Variants in ARHGAP6 observed in about 807,000 individuals in gnomAD.
ARHGAP6 encodes the protein rho GTPase-activating protein 6.
Under a neutral mutation model 55.7 loss-of-function variants are expected in ARHGAP6, and 16 were observed. The ratio of observed to expected loss-of-function variants is 0.29; its 90% CI spans 0.19 to 0.44. The LOEUF is 0.44. ARHGAP6 is among the 20% of genes least tolerant of loss of function. The pLI is 1.00. For missense variants in ARHGAP6, 698 were observed against 808.9 expected (o/e 0.86, Z 1.66); for synonymous variants, 382 against 360.9 (o/e 1.06, Z -0.66).
chrX:11,394,224 G>T, intron 1 of ARHGAP6, among the ~76,000 whole-genome samples: 1 of 112,000 alleles, frequency 8.9e-6, no homozygotes, highest in Non-Finnish European at 1.9e-5. Context: ...TTGACCTGCT[G>T]CAACATGAAT....
chrX:11,348,933 A>G (rs924182783), intron 1 of ARHGAP6, among the ~76,000 whole-genome samples: 1 of 111,577 alleles, frequency 9.0e-6, no homozygotes. Context: ...TCTGAGATTC[A>G]AGATTCTCCT....
At chrX:11,143,917 C>G in intron 11 of ARHGAP6, 63 bp downstream of exon 11, 1 of 1,211,356 alleles carries the variant, frequency 8.3e-7, no homozygotes, top group Non-Finnish European at 1.1e-6. Context: ...CCACACCATG[C>G]CACATGCAAC....
intron 1 of ARHGAP6, chrX:11,334,804 G>T: frequency 4.6e-6 from 1 of 219,089 alleles, no homozygotes; most frequent in Non-Finnish European, 8.5e-6. Flanking sequence ...ATCAAAGAAC[G>T]CAGTTTCTTT....
intron 1 of ARHGAP6, among the ~76,000 whole-genome samples, chrX:11,309,506 G>A (rs918334451): frequency 3.6e-5 from 4 of 110,979 alleles, no homozygotes; most frequent in Non-Finnish European, 7.6e-5. Flanking sequence ...AGTTCTGAAA[G>A]TCCTCCCCAG....
chrX:11,471,409 C>T (rs2050345553), intron 1 of ARHGAP6, among the ~76,000 whole-genome samples: 1 of 111,846 alleles, frequency 8.9e-6, no homozygotes, highest in Non-Finnish European at 1.9e-5. Flanking sequence ...TTTTCATAAC[C>T]ATTAAAGGAT....
chrX:11,565,846 C>A (rs917293894), intron 1 of ARHGAP6, among the ~76,000 whole-genome samples: 1 of 111,747 alleles, frequency 8.9e-6, no homozygotes, highest in African/African-American at 3.3e-5. Flanking sequence ...GTTAACTGGC[C>A]TCCATAGAAG....
At chrX:11,516,949 C>T (rs769608457) in intron 1 of ARHGAP6, among the ~76,000 whole-genome samples, 8 of 111,629 alleles carry the variant, frequency 7.2e-5, no homozygotes, top group Non-Finnish European at 1.1e-4. Flanking sequence ...TCACAGCTTC[C>T]GCTACTGTTT....
chrX:11,222,485 T>C lies in ARHGAP6; in HGVS notation c.749-25489A>G, dbSNP rs748163483. 4.5e-5 allele frequency among the ~76,000 whole-genome samples: 5 copies of C among 111,947 alleles called. No homozygotes were observed. In the East Asian group the frequency reaches 1.4e-3, roughly 31 times the overall value. The stretch of plus-strand genomic sequence containing the variant: ...GCAGAAAACTATTCTTAGCAATTGA[T>C]GGTGGATCTCTGATGTGAAACTATG... On this transcript the variant is annotated intron_variant, in intron 2 of 12. Transcript: ENST00000337414.
intron 1 of ARHGAP6, among the ~76,000 whole-genome samples, chrX:11,516,401 C>A (rs2050840936): frequency 8.9e-6 from 1 of 111,918 alleles, no homozygotes; most frequent in African/African-American, 3.2e-5. Flanking sequence ...CATTAAACAA[C>A]TCCCAATTCC....
At chrX:11,151,955 T>C (rs182872862) in intron 10 of ARHGAP6, among the ~76,000 whole-genome samples, 22 of 112,324 alleles carry the variant, frequency 2.0e-4, no homozygotes, top group Middle Eastern at 4.6e-3. Flanking sequence ...CTCTCTTGTG[T>C]CATATTGCCT....
chrX:11,290,521 A>G, intron 1 of ARHGAP6: 1 of 322,012 alleles, frequency 3.1e-6, no homozygotes, highest in Non-Finnish European at 6.0e-6. Flanking sequence ...TATCCTAGAG[A>G]ATGATGTTTT....
chrX:11,503,990 C>T (rs1356017680), intron 1 of ARHGAP6, among the ~76,000 whole-genome samples: 1 of 111,344 alleles, frequency 9.0e-6, no homozygotes, highest in African/African-American at 3.3e-5. Context: ...AGATATATTT[C>T]TCTTTAAAAT....
intron 1 of ARHGAP6, among the ~76,000 whole-genome samples, chrX:11,455,295 G>T (rs767424714): frequency 3.6e-5 from 4 of 112,014 alleles, no homozygotes; most frequent in Non-Finnish European, 7.5e-5. Flanking sequence ...CCTTCTTTTT[G>T]CAATAATGGT....
chrX:11,381,651 A>AG (rs1391231515), intron 1 of ARHGAP6, among the ~76,000 whole-genome samples: 2 of 111,840 alleles, frequency 1.8e-5, no homozygotes, highest in Non-Finnish European at 3.8e-5. Flanking sequence ...TTTTGCCACC[A>AG]GGGGGAGAAC....
chrX:11,475,802 A>G (rs2050398090), intron 1 of ARHGAP6, among the ~76,000 whole-genome samples: 1 of 110,374 alleles, frequency 9.1e-6, no homozygotes. Flanking sequence ...AAAAAAAAAA[A>G]AGCACCACAG....
At chrX:11,258,788 A>T (rs780397470) in intron 1 of ARHGAP6, among the ~76,000 whole-genome samples, 10 of 111,924 alleles carry the variant, frequency 8.9e-5, no homozygotes, top group Non-Finnish European at 1.5e-4. Context: ...TTATTTTGTT[A>T]TGGCAGACCC....
intron 1 of ARHGAP6, among the ~76,000 whole-genome samples, chrX:11,259,002 TTAAG>T (rs2047524781): frequency 8.9e-6 from 1 of 111,778 alleles, no homozygotes; most frequent in Non-Finnish European, 1.9e-5. Flanking sequence ...ATTCCACTCT[TTAAG>T]TTATTTTAAA....
Position 11,427,457 on chromosome X carries a change from G to C in ARHGAP6, c.589-172750C>G. 6.7e-6 allele frequency: 6 copies of C among 898,300 alleles called. No individual in the cohort carries two copies. In the South Asian group the frequency reaches 1.5e-4, roughly 22 times the overall value. 74.0% of individuals were successfully genotyped at this position (898,300 alleles called of 1,213,427 possible). A position where few individuals can be genotyped will look rare whatever the true frequency, so the allele number is the denominator to read the frequency against. ...CCACCCCCTCAGCCGTGGACCTGTG[G>C]GGAGCCCCGACTACCATCGCCCCTC... On this transcript the variant is annotated intron_variant, in intron 1 of 12. Coordinates refer to ENST00000337414, the MANE Select transcript of ARHGAP6 (RefSeq NM_013427.3).
chrX:11,572,149 C>T (rs760741853), intron 1 of ARHGAP6, among the ~76,000 whole-genome samples: 1 of 111,437 alleles, frequency 9.0e-6, no homozygotes. Context: ...TCAGGATAAT[C>T]AAATCATAAT....
Sources: allele counts gnomAD v4.1 joint callset (sites outside exome capture counted in the v4.1 genomes callset), GRCh38; gene constraint gnomAD v4.1.1; transcripts MANE v1.5; gene names NCBI Gene and HGNC (gene_info 2026-07-23, HGNC 2026-07-21).